Variants in KIRREL3 observed in about 807,000 individuals in gnomAD.
The protein encoded by KIRREL3 is kirre like nephrin family adhesion molecule 3, also known as kin of IRRE-like protein 3.
A neutral mutation model predicts 89.7 loss-of-function variants in KIRREL3; 36 were observed. The observed-to-expected ratio is 0.40, with a 90% CI of 0.31 to 0.53. KIRREL3 has a LOEUF of 0.53. Among genes scored for constraint, KIRREL3 ranks in the 20% least tolerant of loss-of-function variants. The probability of loss-of-function intolerance (pLI) is 0.49; values close to 1 mark genes in which losing one functional copy is unlikely to be tolerated. For missense variants in KIRREL3, 864 were observed against 1,056.6 expected (o/e 0.82, Z 2.53); for synonymous variants, 445 against 441.4 (o/e 1.01, Z -0.10).
chr11:126,866,660 C>A (rs1400136624), intron 1 of KIRREL3, among the ~76,000 whole-genome samples: 1 of 150,478 alleles, frequency 6.6e-6, no homozygotes. Context: ...CCCCCCCACA[C>A]ACACTGACCA....
Position 126,635,632 on chromosome 11 carries a change from A to G in KIRREL3, c.56-72720T>C, listed in dbSNP as rs1252306362. 6.6e-6 allele frequency among the ~76,000 whole-genome samples: 1 copy of G among 152,166 alleles called. No individual in the cohort carries two copies. Among genetic ancestry groups the G allele is most frequent in the Non-Finnish European group, 1.5e-5 (1 of 68,034 alleles). On this transcript the variant is annotated intron_variant, in intron 1 of 16. Coordinates refer to ENST00000525144, the MANE Select transcript of KIRREL3 (RefSeq NM_032531.4). This position sits in a 1 kb window ranked among gnomAD's most constrained non-coding sequence, Gnocchi z 4.0. ...GAGTAACCAGAGATCTTGGGCCACA[A>G]GTCAGACACACCTAGACTAAGATGT...
rs1565454352 is a variant in KIRREL3, at chr11:126,442,344, ACACAC to A, written c.1253-1800_1253-1796del. Among the ~76,000 whole-genome samples the A allele has an allele frequency of 1.2e-3, 167 of 142,166 alleles. 1 individual carries two copies. Among genetic ancestry groups the A allele is most frequent in the African/African-American group, 4.3e-3 (160 of 37,592 alleles). 93.3% of individuals were successfully genotyped at this position (142,166 alleles called of 152,430 possible). On this transcript the variant is annotated intron_variant, in intron 10 of 16. Transcript: ENST00000525144. ...CACACACACACACACACACACACAC[ACACAC>A]ACACAAAACCTTTTCCTTGTGCTTC...
rs990028212 is a variant in KIRREL3 at position 126,812,247 on chromosome 11, G to A, written c.55+188208C>T. On this transcript the variant is annotated intron_variant, in intron 1 of 16. Coordinates refer to ENST00000525144, the MANE Select transcript of KIRREL3 (RefSeq NM_032531.4). The surrounding 1 kb of genome is among the most constrained non-coding windows in gnomAD (Gnocchi z 5.2). ...GGAACTTTGGGGTCCTTAGGATAGC[G>A]CTGTGTATATGGCAGGCACTCATTA... 3.9e-5 allele frequency among the ~76,000 whole-genome samples: 6 copies of A among 152,130 alleles called. No individual in the cohort carries two copies. Among genetic ancestry groups the A allele is most frequent in the Non-Finnish European group, 7.3e-5 (5 of 68,040 alleles).
intron 1 of KIRREL3, among the ~76,000 whole-genome samples, chr11:126,958,989 G>A (rs777504611): frequency 1.3e-5 from 2 of 152,008 alleles, no homozygotes; most frequent in Non-Finnish European, 2.9e-5. Context: ...CCTCAATGTG[G>A]ATGGGCCCCA....
rs1943569305 is a variant in KIRREL3, at chr11:126,830,524, A to C, written c.55+169931T>G. On this transcript the variant is annotated intron_variant, in intron 1 of 16. Coordinates refer to ENST00000525144, the MANE Select transcript of KIRREL3 (RefSeq NM_032531.4). This position sits in a 1 kb window ranked among gnomAD's most constrained non-coding sequence, Gnocchi z 4.9. ...TGCAAGGAGCTCACATTTACAATTA[A>C]ATGAGGGACTTATCCTTTTGCATCC... Among the ~76,000 whole-genome samples the C allele has an allele frequency of 6.6e-6, 1 of 152,160 alleles. No homozygotes were observed. The highest frequency in any genetic ancestry group is 2.4e-5 in the African/African-American group (1 of 41,442).
At chr11:126,665,508 A>C (rs570199925) in intron 1 of KIRREL3, among the ~76,000 whole-genome samples, 1 of 152,238 alleles carries the variant, frequency 6.6e-6, no homozygotes, top group East Asian at 1.9e-4. Context: ...TTAGGGCATG[A>C]GGGTGGAGCC....
intron 1 of KIRREL3, among the ~76,000 whole-genome samples, chr11:126,988,909 A>ATT (rs147139426): frequency 6.6e-6 from 1 of 151,420 alleles, no homozygotes; most frequent in East Asian, 1.9e-4. Context: ...ACAGGTTTTG[A>ATT]TTTTTTTTTC....
chr11:126,599,932 C>T (rs895584632), intron 1 of KIRREL3, among the ~76,000 whole-genome samples: 3 of 152,192 alleles, frequency 2.0e-5, no homozygotes, highest in Non-Finnish European at 2.9e-5. Context: ...TTTCAGACCC[C>T]TGTGTGCTCC....
At chr11:126,923,202 T>A (rs1296616351) in intron 1 of KIRREL3, among the ~76,000 whole-genome samples, 1 of 7,742 alleles carries the variant, frequency 1.3e-4, no homozygotes, top group Non-Finnish European at 2.0e-4. Context: ...CTTCTTCTTC[T>A]TCTTCTTCTT....
rs1031510516 is a variant in KIRREL3, at chr11:126,576,913, A to G, written c.56-14001T>C. ...CACTTTACACACACACAGTTATGCCATTTAGTCCACACTGTAACTGGGGAG... is the reference window on the plus strand; with the variant it reads ...CACTTTACACACACACAGTTATGCCGTTTAGTCCACACTGTAACTGGGGAG... On this transcript the variant is annotated intron_variant, in intron 1 of 16. Coordinates refer to ENST00000525144, the MANE Select transcript of KIRREL3 (RefSeq NM_032531.4). The surrounding 1 kb of genome is among the most constrained non-coding windows in gnomAD (Gnocchi z 5.4). Among the ~76,000 whole-genome samples, 2 of 152,168 alleles carry G rather than the reference A, an allele frequency of 1.3e-5. No individual in the cohort carries two copies. The highest frequency in any genetic ancestry group is 2.4e-5 in the African/African-American group (1 of 41,440).
intron 1 of KIRREL3, among the ~76,000 whole-genome samples, chr11:126,923,411 CCTT>C (rs1438561690): frequency 8.8e-5 from 12 of 137,042 alleles, no homozygotes; most frequent in South Asian, 2.4e-4. Context: ...TCTTCTTCTT[CCTT>C]CTTCTTCTTC....
In KIRREL3 at chr11:126,906,346, G is replaced by A. The variant is rs192750374; in HGVS notation, c.55+94109C>T. On this transcript the variant is annotated intron_variant, in intron 1 of 16. Transcript: ENST00000525144. This position sits in a 1 kb window ranked among gnomAD's most constrained non-coding sequence, Gnocchi z 4.1. ...GCTTTCTTAAAAATAAGCATTAAAA[G>A]GTAGGGAGGTATTGGGAGAACTGGA... 5.6e-4 allele frequency among the ~76,000 whole-genome samples: 86 copies of A among 152,240 alleles called. No homozygotes were observed. The highest frequency in any genetic ancestry group is 2.0e-3 in the African/African-American group (81 of 41,532).
rs1379907474 is a variant in KIRREL3, at chr11:126,569,597, G to T, written c.56-6685C>A. Among the ~76,000 whole-genome samples the T allele has an allele frequency of 6.6e-6, 1 of 152,288 alleles. No homozygotes were observed. Among genetic ancestry groups the T allele is most frequent in the Admixed American group, 6.5e-5 (1 of 15,298 alleles). ...TATACAAGACATATACTTAAGAAAAGGTAACTAAAAGTCAGAGACAGGTAA... is the reference window on the plus strand; with the variant it reads ...TATACAAGACATATACTTAAGAAAATGTAACTAAAAGTCAGAGACAGGTAA... On this transcript the variant is annotated intron_variant, in intron 1 of 16. Coordinates refer to ENST00000525144, the MANE Select transcript of KIRREL3 (RefSeq NM_032531.4). This position sits in a 1 kb window ranked among gnomAD's most constrained non-coding sequence, Gnocchi z 6.5.
Position 126,574,028 on chromosome 11 carries a change from A to C in KIRREL3, c.56-11116T>G, listed in dbSNP as rs1941118358. ...CACACATTCCAGAAAGCTCCATGGA[A>C]GCCCCTTACAGGCCCCAGACAAGGG... On this transcript the variant is annotated intron_variant, in intron 1 of 16. Transcript: ENST00000525144. This position sits in a 1 kb window ranked among gnomAD's most constrained non-coding sequence, Gnocchi z 5.3. 6.6e-6 allele frequency among the ~76,000 whole-genome samples: 1 copy of C among 152,212 alleles called. No individual in the cohort carries two copies. Among genetic ancestry groups the C allele is most frequent in the Non-Finnish European group, 1.5e-5 (1 of 68,042 alleles).
rs10572797 is a variant in KIRREL3 at position 126,700,193 on chromosome 11, C to CA, written c.56-137282dup. ...TAGGAGACAGAGTAAGACTTTGTCA[C>CA]AAAAAAAAAAAAAAGAGAGAGAGAG... On this transcript the variant is annotated intron_variant, in intron 1 of 16. Transcript: ENST00000525144. 2.7e-3 allele frequency among the ~76,000 whole-genome samples: 383 copies of CA among 144,034 alleles called. 2 individuals carry two copies. The highest frequency in any genetic ancestry group is 8.7e-3 in the African/African-American group (338 of 39,054). The allele number at this position is 144,034 out of a possible 152,430, so 94.5% of individuals were successfully genotyped here.
At chr11:126,866,808 G>T (rs1021131491) in intron 1 of KIRREL3, among the ~76,000 whole-genome samples, 1 of 152,138 alleles carries the variant, frequency 6.6e-6, no homozygotes, top group Non-Finnish European at 1.5e-5. Context: ...AGGAGAGTCT[G>T]ACCACTGCGT....
rs567388790 is a variant in KIRREL3 at position 126,754,542 on chromosome 11, T to A, written c.56-191630A>T. On this transcript the variant is annotated intron_variant, in intron 1 of 16. Coordinates refer to ENST00000525144, the MANE Select transcript of KIRREL3 (RefSeq NM_032531.4). The surrounding 1 kb of genome is among the most constrained non-coding windows in gnomAD (Gnocchi z 5.1). ...TTTAAGGCCTACAAACTGCATGTCT[T>A]TGCTAGATACCGCTGAAGGGGATCG... Among the ~76,000 whole-genome samples, 1 of 152,238 alleles carries A rather than the reference T, an allele frequency of 6.6e-6. No homozygotes were observed. Among genetic ancestry groups the A allele is most frequent in the East Asian group, 1.9e-4 (1 of 5,186 alleles).
chr11:126,815,085 A>C (rs1298827211), intron 1 of KIRREL3, among the ~76,000 whole-genome samples: 2 of 152,238 alleles, frequency 1.3e-5, no homozygotes, highest in African/African-American at 4.8e-5. Context: ...CTTTAAAAAA[A>C]AGAAAGTCTC....
rs1248866793 is a variant in KIRREL3, at chr11:126,475,767, G to T, written c.434-2301C>A. ...CACAGGGCAAAACGGAGGCGGCTCAGGGCTTTCCACCAAGTGGGGGTGGGT... is the reference window on the plus strand; with the variant it reads ...CACAGGGCAAAACGGAGGCGGCTCATGGCTTTCCACCAAGTGGGGGTGGGT... On this transcript the variant is annotated intron_variant, in intron 4 of 16. Coordinates refer to ENST00000525144, the MANE Select transcript of KIRREL3 (RefSeq NM_032531.4). The surrounding 1 kb of genome is among the most constrained non-coding windows in gnomAD (Gnocchi z 7.5). Among the ~76,000 whole-genome samples the T allele has an allele frequency of 6.6e-6, 1 of 152,246 alleles. No individual in the cohort carries two copies. The highest frequency in any genetic ancestry group is 1.5e-5 in the Non-Finnish European group (1 of 68,042).
Sources: gnomAD v4.1 joint callset for allele counts (sites outside exome capture counted in the v4.1 genomes callset) on GRCh38, gnomAD v4.1.1 for gene constraint, Gnocchi (gnomAD v3.1) non-coding constraint, MANE v1.5 for transcripts, NCBI Gene and HGNC (gene_info 2026-07-23, HGNC 2026-07-21) for gene names.